Variants in TMEM132B observed in about 807,000 individuals in gnomAD.
TMEM132B encodes transmembrane protein 132B.
In TMEM132B, 18 loss-of-function variants were observed where a neutral mutation model predicts 90.8. The observed-to-expected ratio is 0.20, with a 90% CI of 0.14 to 0.29. The LOEUF is 0.29. Among genes scored for constraint, TMEM132B ranks in the 10% least tolerant of loss-of-function variants. The pLI is 1.00. For synonymous variants in TMEM132B, 504 were observed against 523.3 expected, an observed-to-expected ratio of 0.96 and a Z score of 0.50; for missense variants, 1,096 against 1,326.8, an observed-to-expected ratio of 0.83 and a Z score of 2.70.
intron 5 of TMEM132B, among the ~76,000 whole-genome samples, chr12:125,631,187 C>T (rs11503029): frequency 0.018 from 2,733 of 151,900 alleles, 100 homozygotes; most frequent in African/African-American, 0.063. Context: ...TGTTGTGTTT[C>T]CATTAACATT....
At chr12:125,390,232 A>C (rs1878969670) in intron 2 of TMEM132B, among the ~76,000 whole-genome samples, 1 of 152,258 alleles carries the variant, frequency 6.6e-6, no homozygotes, top group South Asian at 2.1e-4. Flanking sequence ...AACTGGAACA[A>C]CCCAAGTGTC....
chr12:125,617,077 C>T (rs1886005664), intron 5 of TMEM132B, among the ~76,000 whole-genome samples: 1 of 152,184 alleles, frequency 6.6e-6, no homozygotes, highest in East Asian at 1.9e-4. Context: ...TTGTAACAGA[C>T]CAAGCTGACT....
intron 1 of TMEM132B, among the ~76,000 whole-genome samples, chr12:125,319,011 C>T (rs1248754463): frequency 6.6e-6 from 1 of 152,208 alleles, no homozygotes; most frequent in Non-Finnish European, 1.5e-5. Context: ...TCCCCAGAGG[C>T]CATGATATAA....
intron 4 of TMEM132B, among the ~76,000 whole-genome samples, chr12:125,560,744 G>A (rs1234925004): frequency 1.4e-5 from 2 of 138,258 alleles, no homozygotes; most frequent in Non-Finnish European, 3.1e-5. Flanking sequence ...ACAATGGCGT[G>A]AACCAGGGAA....
At chr12:125,286,743 G>A (rs973020285) in intron 1 of TMEM132B, among the ~76,000 whole-genome samples, 1 of 151,874 alleles carries the variant, frequency 6.6e-6, no homozygotes, top group African/African-American at 2.4e-5. Flanking sequence ...TCACTCTGTC[G>A]CCCAGGCTGG....
chr12:125,251,788 T>C lies in TMEM132B; in HGVS notation c.67+64922T>C, dbSNP rs1037181753. Among the ~76,000 whole-genome samples, 1 of 152,200 alleles carries C rather than the reference T, an allele frequency of 6.6e-6. No homozygotes were observed. The highest frequency in any genetic ancestry group is 2.4e-5 in the African/African-American group (1 of 41,452). ...AGAGCTGATTTTCCTAGAAAGGCCA[T>C]TCGTTTGGATTTTCATGTGAAATTT... On this transcript the variant is annotated intron_variant, in intron 1 of 8. Transcript: ENST00000682704. The surrounding 1 kb of genome is among the most constrained non-coding windows in gnomAD (Gnocchi z 4.4).
At chr12:125,420,060 G>A (rs1454190604) in intron 3 of TMEM132B, among the ~76,000 whole-genome samples, 1 of 152,198 alleles carries the variant, frequency 6.6e-6, no homozygotes, top group Non-Finnish European at 1.5e-5. Flanking sequence ...CCCCTTCCTG[G>A]CTACTTTCAT....
intron 5 of TMEM132B, among the ~76,000 whole-genome samples, chr12:125,608,869 A>G (rs1236443154): frequency 6.6e-6 from 1 of 152,048 alleles, no homozygotes; most frequent in African/African-American, 2.4e-5. Context: ...AAAAAAATCA[A>G]TGGACCATGA....
At chr12:125,448,513 T>A (rs1881063839) in intron 3 of TMEM132B, among the ~76,000 whole-genome samples, 1 of 152,208 alleles carries the variant, frequency 6.6e-6, no homozygotes, top group South Asian at 2.1e-4. Context: ...TTAAGGTTTA[T>A]CCATGATGCT....
At chr12:125,651,091 C>G (rs930554103) in intron 7 of TMEM132B, 138 bp downstream of exon 7, 6 of 1,211,824 alleles carry the variant, frequency 5.0e-6, no homozygotes, top group Admixed American at 2.3e-5. Flanking sequence ...CATGTATTGC[C>G]TCTGTTTGTT....
intron 5 of TMEM132B, among the ~76,000 whole-genome samples, chr12:125,615,453 C>T (rs2136956610): frequency 6.6e-6 from 1 of 152,168 alleles, no homozygotes; most frequent in East Asian, 1.9e-4. Context: ...ATCAGTCTAT[C>T]CTCAGTCTTG....
At chr12:125,223,876 A>G (rs10846841) in intron 1 of TMEM132B, among the ~76,000 whole-genome samples, 11,207 of 152,060 alleles carry the variant, frequency 0.074, 546 homozygotes, top group African/African-American at 0.13. Flanking sequence ...TCCTGGGTTC[A>G]AGTGATTCTC....
At chr12:125,568,457 T>C (rs1566076524) in intron 4 of TMEM132B, among the ~76,000 whole-genome samples, 1 of 152,148 alleles carries the variant, frequency 6.6e-6, no homozygotes, top group African/African-American at 2.4e-5. Context: ...CCAGAGGTTT[T>C]CCCCCATGCA....
chr12:125,470,584 C>A (rs896226876), intron 3 of TMEM132B, among the ~76,000 whole-genome samples: 2 of 152,172 alleles, frequency 1.3e-5, no homozygotes, highest in Non-Finnish European at 2.9e-5. Context: ...CCACTAAACC[C>A]AGTTTCTTTA....
chr12:125,259,270 A>G (rs1874507050), intron 1 of TMEM132B, among the ~76,000 whole-genome samples: 1 of 152,222 alleles, frequency 6.6e-6, no homozygotes, highest in African/African-American at 2.4e-5. Flanking sequence ...CTTGAAAACC[A>G]GCATTCTCAG....
chr12:125,557,113 T>C (rs1437497305), intron 4 of TMEM132B, among the ~76,000 whole-genome samples: 1 of 152,182 alleles, frequency 6.6e-6, no homozygotes, highest in Admixed American at 6.5e-5. Context: ...CTTACTCCCA[T>C]ATTTAGACAT....
At chr12:125,633,081 T>G (rs1886403770) in intron 5 of TMEM132B, among the ~76,000 whole-genome samples, 1 of 152,188 alleles carries the variant, frequency 6.6e-6, no homozygotes. Flanking sequence ...AAATAGATTT[T>G]GTAGGTGTGC....
intron 1 of TMEM132B, among the ~76,000 whole-genome samples, chr12:125,332,864 CCAAA>C (rs1876829265): frequency 6.6e-6 from 1 of 151,656 alleles, no homozygotes; most frequent in Non-Finnish European, 1.5e-5. Flanking sequence ...AAACAAAAAA[CCAAA>C]AACAAGAAAG....
intron 1 of TMEM132B, among the ~76,000 whole-genome samples, chr12:125,254,264 G>A (rs973319959): frequency 7.9e-5 from 12 of 152,028 alleles, no homozygotes; most frequent in Admixed American, 2.0e-4. Flanking sequence ...CTGGGTCACA[G>A]AGTGAGATCT....
Sources: allele counts gnomAD v4.1 joint callset (sites outside exome capture counted in the v4.1 genomes callset), GRCh38; gene constraint gnomAD v4.1.1; non-coding constraint Gnocchi (gnomAD v3.1); transcripts MANE v1.5; gene names NCBI Gene and HGNC (gene_info 2026-07-23, HGNC 2026-07-21).